The following GPC5 variants were observed in gnomAD, a reference collection of about 807,000 sequenced individuals.
GPC5 encodes glypican-5.
Under a neutral mutation model 53.9 loss-of-function variants are expected in GPC5, and 47 were observed. That is an observed-to-expected ratio of 0.87 (90% CI 0.69 to 1.11). GPC5 has a LOEUF of 1.11. GPC5 is among the 50% of genes most tolerant of loss of function. GPC5 has a pLI of 0.00. For missense variants in GPC5, 748 were observed against 713.1 expected (o/e 1.05, Z -0.56); for synonymous variants, 286 against 263.3 (o/e 1.09, Z -0.84).
At chr13:92,297,704 C>T (rs930569651) in intron 7 of GPC5, among the ~76,000 whole-genome samples, 3 of 152,066 alleles carry the variant, frequency 2.0e-5, no homozygotes, top group East Asian at 1.9e-4. Flanking sequence ...ACAGGCCTCT[C>T]GGCTCTACCA....
intron 2 of GPC5, among the ~76,000 whole-genome samples, chr13:91,465,122 A>G (rs1882158762): frequency 6.6e-6 from 1 of 152,116 alleles, no homozygotes; most frequent in African/African-American, 2.4e-5. Flanking sequence ...TTTCTTAACA[A>G]TATATTTTTT....
intron 2 of GPC5, among the ~76,000 whole-genome samples, chr13:91,478,939 A>G: frequency 7.9e-6 from 1 of 126,164 alleles, no homozygotes; most frequent in Non-Finnish European, 1.7e-5. Context: ...CTTTAGATGC[A>G]GTCTTGTTCT....
At chr13:91,449,600 A>G (rs1881047658) in intron 2 of GPC5, among the ~76,000 whole-genome samples, 1 of 152,138 alleles carries the variant, frequency 6.6e-6, no homozygotes, top group Non-Finnish European at 1.5e-5. Flanking sequence ...TTTTCATAAG[A>G]ACACCAGTGG....
intron 2 of GPC5, among the ~76,000 whole-genome samples, chr13:91,668,094 T>A (rs1047720976): frequency 6.6e-6 from 1 of 152,236 alleles, no homozygotes; most frequent in Non-Finnish European, 1.5e-5. Flanking sequence ...CAATATTAGA[T>A]AAGAACAAAT....
intron 5 of GPC5, among the ~76,000 whole-genome samples, chr13:91,783,626 G>T (rs766606349): frequency 6.6e-6 from 1 of 151,932 alleles, no homozygotes; most frequent in Non-Finnish European, 1.5e-5. Flanking sequence ...TTTTTTAGTA[G>T]AGATGGGGTT....
At position 92,159,593 on chromosome 13, in the gene GPC5, C is replaced by CTTT. The variant is rs71120074; in HGVS notation, c.1561+14629_1561+14631dup. On this transcript the variant is annotated intron_variant, in intron 7 of 7. Transcript: ENST00000377067. ...CTATGTAATCACTAATACCAATGTT[C>CTTT]TTTTTTTTTTTTTTTTTTTTTTTTT... Among the ~76,000 whole-genome samples, 265 of 57,208 alleles carry CTTT rather than the reference C, an allele frequency of 4.6e-3. 54 individuals are homozygous for CTTT. Among genetic ancestry groups the CTTT allele is most frequent in the African/African-American group, 9.7e-3 (150 of 15,510 alleles). The allele number at this position is 57,208 out of a possible 152,430, so 37.5% of individuals were successfully genotyped here. A position where few individuals can be genotyped will look rare whatever the true frequency, so the allele number is the denominator to read the frequency against.
intron 2 of GPC5, among the ~76,000 whole-genome samples, chr13:91,656,323 G>A (rs925884352): frequency 2.6e-5 from 4 of 152,124 alleles, no homozygotes; most frequent in African/African-American, 9.7e-5. Context: ...AAGCTGAATG[G>A]CAAGCAATGA....
At chr13:92,376,742 G>T (rs1431266006) in intron 7 of GPC5, among the ~76,000 whole-genome samples, 1 of 152,002 alleles carries the variant, frequency 6.6e-6, no homozygotes, top group Non-Finnish European at 1.5e-5. Context: ...TGGGCTGGGC[G>T]CAGTGGCTCA....
At chr13:92,326,745 A>G (rs775609740) in intron 7 of GPC5, among the ~76,000 whole-genome samples, 16 of 152,116 alleles carry the variant, frequency 1.1e-4, no homozygotes, top group Non-Finnish European at 2.2e-4. Flanking sequence ...AAGGAAACAT[A>G]TTTGTCTAAA....
chr13:91,522,914 T>C (rs750116571), intron 2 of GPC5, among the ~76,000 whole-genome samples: 11 of 152,230 alleles, frequency 7.2e-5, no homozygotes, highest in Non-Finnish European at 1.6e-4. Context: ...CAGTCTATCA[T>C]TGATGGACGT....
chr13:91,493,266 T>A (rs2139262152), intron 2 of GPC5, among the ~76,000 whole-genome samples: 1 of 152,338 alleles, frequency 6.6e-6, no homozygotes, highest in East Asian at 1.9e-4. Context: ...AATATTTTGA[T>A]ACAGGCATGT....
chr13:92,463,269 C>T (rs755754877), intron 7 of GPC5, among the ~76,000 whole-genome samples: 1 of 152,216 alleles, frequency 6.6e-6, no homozygotes, highest in Non-Finnish European at 1.5e-5. Context: ...TCCACTGGCT[C>T]TGATGCAGTT....
At chr13:92,293,309 TTTCC>T (rs1222274679) in intron 7 of GPC5, among the ~76,000 whole-genome samples, 1 of 152,102 alleles carries the variant, frequency 6.6e-6, no homozygotes, top group African/African-American at 2.4e-5. Flanking sequence ...ATAGGATGTG[TTTCC>T]ATTTGTTTGT....
chr13:91,440,997 C>T (rs1197987748), intron 1 of GPC5, among the ~76,000 whole-genome samples: 3 of 152,194 alleles, frequency 2.0e-5, no homozygotes, highest in African/African-American at 7.2e-5. Flanking sequence ...CAACCTCTGT[C>T]TTCTAGTTCT....
At chr13:91,924,335 C>A (rs2039745904) in intron 6 of GPC5, among the ~76,000 whole-genome samples, 1 of 152,132 alleles carries the variant, frequency 6.6e-6, no homozygotes, top group African/African-American at 2.4e-5. Context: ...ATACTAATTT[C>A]AATGCCTGTT....
At chr13:92,734,408 C>G (rs912695738) in intron 7 of GPC5, among the ~76,000 whole-genome samples, 1 of 151,806 alleles carries the variant, frequency 6.6e-6, no homozygotes, top group Non-Finnish European at 1.5e-5. Flanking sequence ...GACATAATCA[C>G]TAGGAGAAAT....
At chr13:92,206,120 A>ATTG (rs1280476081) in intron 7 of GPC5, among the ~76,000 whole-genome samples, 1 of 140,994 alleles carries the variant, frequency 7.1e-6, no homozygotes, top group African/African-American at 2.6e-5. Context: ...TGTTGTTGTT[A>ATTG]TTGTTGTTGT....
At chr13:91,480,564 C>T (rs1308375076) in intron 2 of GPC5, among the ~76,000 whole-genome samples, 1 of 152,204 alleles carries the variant, frequency 6.6e-6, no homozygotes, top group Admixed American at 6.5e-5. Flanking sequence ...ACTACAGCCT[C>T]AGTAAATATT....
intron 1 of GPC5, among the ~76,000 whole-genome samples, chr13:91,400,102 T>A (rs988888182): frequency 1.3e-5 from 2 of 152,150 alleles, no homozygotes; most frequent in African/African-American, 4.8e-5. Context: ...ATAGCAGGTG[T>A]CTAGAGCTAA....
Sources: allele counts gnomAD v4.1 joint callset (sites outside exome capture counted in the v4.1 genomes callset), GRCh38; gene constraint gnomAD v4.1.1; transcripts MANE v1.5; gene names NCBI Gene and HGNC (gene_info 2026-07-23, HGNC 2026-07-21).